SHISA9: variants seen among roughly 807,000 people sequenced by gnomAD.
The protein encoded by SHISA9 is shisa family member 9.
In SHISA9, 13 loss-of-function variants were observed where a neutral mutation model predicts 38.0. The ratio of observed to expected loss-of-function variants is 0.34; its 90% confidence interval spans 0.22 to 0.54. The LOEUF (loss-of-function observed/expected upper bound fraction) is 0.54, where lower values mean the gene tolerates loss of function less well. SHISA9 is among the 20% of genes least tolerant of loss of function. The probability of loss-of-function intolerance (pLI) is 0.91; values close to 1 mark genes in which losing one functional copy is unlikely to be tolerated. For synonymous variants in SHISA9, 275 were observed against 242.0 expected (o/e 1.14, Z -1.27); for missense variants, 538 against 575.8 (o/e 0.93, Z 0.67).
intron 2 of SHISA9, among the ~76,000 whole-genome samples, chr16:13,063,380 A>G (rs562159813): frequency 1.3e-5 from 2 of 152,256 alleles, no homozygotes; most frequent in African/African-American, 4.8e-5. Context: ...AAATGGAAAA[A>G]AAAAACAAAA....
chr16:13,213,436 G>A (rs930839570), intron 4 of SHISA9, 136 bp downstream of exon 4: 24 of 734,320 alleles, frequency 3.3e-5, no homozygotes, highest in East Asian at 1.1e-4. Flanking sequence ...CTGCAAGTCC[G>A]TCTAAGTTCC....
chr16:13,143,100 G>A (rs1219655490), intron 2 of SHISA9, among the ~76,000 whole-genome samples: 1 of 151,632 alleles, frequency 6.6e-6, no homozygotes, highest in Non-Finnish European at 1.5e-5. Context: ...TCTGCCTCCC[G>A]GATTCAAGCA....
intron 2 of SHISA9, among the ~76,000 whole-genome samples, chr16:13,201,727 G>T (rs2051008023): frequency 7.8e-6 from 1 of 129,006 alleles, no homozygotes; most frequent in Non-Finnish European, 1.7e-5. Flanking sequence ...GAGGCAAGGG[G>T]CTGGTCTTTG....
chr16:13,555,906 C>T, the SHISA9 span, among the ~76,000 whole-genome samples: 1 of 152,202 alleles, frequency 6.6e-6, no homozygotes, highest in African/African-American at 2.4e-5. Flanking sequence ...AGGTTCAGTT[C>T]CTCACTCTGC....
chr16:12,978,092 G>A (rs1319532680), intron 2 of SHISA9, among the ~76,000 whole-genome samples: 1 of 152,184 alleles, frequency 6.6e-6, no homozygotes, highest in Non-Finnish European at 1.5e-5. Flanking sequence ...ACAGGCAAGA[G>A]AAACAAACAG....
chr16:13,156,544 C>A (rs1363206779), intron 2 of SHISA9, among the ~76,000 whole-genome samples: 1 of 152,018 alleles, frequency 6.6e-6, no homozygotes, highest in Admixed American at 6.6e-5. Flanking sequence ...ACCATCTTGG[C>A]TAACATGGTG....
the SHISA9 span, among the ~76,000 whole-genome samples, chr16:13,531,487 G>T: frequency 6.6e-6 from 1 of 152,124 alleles, no homozygotes. Context: ...TCTTTCTGAG[G>T]TCACACAGCT....
chr16:13,098,345 C>T (rs2073846968), intron 2 of SHISA9, among the ~76,000 whole-genome samples: 1 of 152,284 alleles, frequency 6.6e-6, no homozygotes, highest in Non-Finnish European at 1.5e-5. Flanking sequence ...CCATAAATGC[C>T]AGCTCTTACA....
At chr16:13,069,253 G>A (rs943509290) in intron 2 of SHISA9, among the ~76,000 whole-genome samples, 192 of 152,236 alleles carry the variant, frequency 1.3e-3, no homozygotes, top group Non-Finnish European at 2.4e-3. Context: ...ATGTGTATAT[G>A]TGTGTACATG....
chr16:13,161,502 C>A (rs1163078298), intron 2 of SHISA9, among the ~76,000 whole-genome samples: 1 of 152,162 alleles, frequency 6.6e-6, no homozygotes, highest in Non-Finnish European at 1.5e-5. Flanking sequence ...GCATTTTTCT[C>A]ATCTAAACCC....
At chr16:12,918,765 A>C (rs2071290721) in intron 2 of SHISA9, among the ~76,000 whole-genome samples, 1 of 152,212 alleles carries the variant, frequency 6.6e-6, no homozygotes. Context: ...ATTCCTGGGA[A>C]GCTACAGGGG....
chr16:13,548,050 G>A, the SHISA9 span, among the ~76,000 whole-genome samples: 1 of 152,038 alleles, frequency 6.6e-6, no homozygotes, highest in Non-Finnish European at 1.5e-5. Flanking sequence ...AGAGAACAAA[G>A]AAATAAATCC....
At chr16:13,381,598 G>C in the SHISA9 span, among the ~76,000 whole-genome samples, 1 of 152,096 alleles carries the variant, frequency 6.6e-6, no homozygotes, top group African/African-American at 2.4e-5. Context: ...GACGGGTTGG[G>C]GAGCAAAGTG....
intron 2 of SHISA9, among the ~76,000 whole-genome samples, chr16:13,093,137 AAAGGGTGAGGAACATGGGGCAGCCAGTTC>A (rs1431696401): frequency 4.6e-5 from 7 of 152,236 alleles, no homozygotes; most frequent in African/African-American, 1.7e-4. Context: ...GAGGAGTTGG[AAAGGGTGAGGAACATGGGGCAGCCAGTTC>A]AAGTGGCTGC....
chr16:13,260,396 C>T, the SHISA9 span, among the ~76,000 whole-genome samples: 1 of 152,132 alleles, frequency 6.6e-6, no homozygotes, highest in African/African-American at 2.4e-5. Flanking sequence ...AGCTGAATGC[C>T]TTTAACAGTA....
the SHISA9 span, among the ~76,000 whole-genome samples, chr16:13,476,036 G>A: frequency 6.6e-6 from 1 of 152,178 alleles, no homozygotes; most frequent in East Asian, 1.9e-4. Context: ...TTCCTAACAG[G>A]CTACAGACTA....
chr16:13,369,230 GGATAA>G, the SHISA9 span, among the ~76,000 whole-genome samples: 1 of 151,982 alleles, frequency 6.6e-6, no homozygotes, highest in East Asian at 1.9e-4. Context: ...ATAACATTGT[GGATAA>G]GATGAGTGCT....
intron 2 of SHISA9, among the ~76,000 whole-genome samples, chr16:12,961,524 T>C (rs896038524): frequency 6.6e-6 from 1 of 152,090 alleles, no homozygotes; most frequent in East Asian, 1.9e-4. Flanking sequence ...TCTGCAGATG[T>C]AACAGAAAAA....
chr16:13,285,464 T>C, the SHISA9 span, among the ~76,000 whole-genome samples: 1 of 32,554 alleles, frequency 3.1e-5, no homozygotes, highest in African/African-American at 1.4e-4. Context: ...CAGGTGTAGT[T>C]TTTTTTTTTT....
Sources: allele counts gnomAD v4.1 joint callset (sites outside exome capture counted in the v4.1 genomes callset), GRCh38; gene constraint gnomAD v4.1.1; transcripts MANE v1.5; gene names NCBI Gene and HGNC (gene_info 2026-07-23, HGNC 2026-07-21).